Variants in MYH15 observed in about 807,000 individuals in gnomAD.
MYH15 encodes myosin heavy chain 15.
In MYH15, 227 loss-of-function variants were observed where a neutral mutation model predicts 240.5. That is an observed-to-expected ratio of 0.94 (90% CI 0.85 to 1.05). The LOEUF is 1.05. MYH15 is among the 50% of genes least tolerant of loss of function. The pLI, the probability that MYH15 is intolerant of heterozygous loss-of-function variation, is 0.00. For missense variants in MYH15, 2,217 were observed against 2,247.5 expected, an observed-to-expected ratio of 0.99 and a Z score of 0.27; for synonymous variants, 785 against 796.7, an observed-to-expected ratio of 0.99 and a Z score of 0.25.
At chr3:108,547,258 T>C in the MYH15 span, among the ~76,000 whole-genome samples, 2 of 152,104 alleles carry the variant, frequency 1.3e-5, no homozygotes, top group African/African-American at 2.4e-5. Flanking sequence ...TGCCTAGGCT[T>C]CCAAAATTAT....
intron 22 of MYH15, among the ~76,000 whole-genome samples, 189 bp downstream of exon 22, chr3:108,444,451 C>G (rs1286273739): frequency 6.6e-6 from 1 of 152,176 alleles, no homozygotes; most frequent in Non-Finnish European, 1.5e-5. Context: ...TAAAAGACAT[C>G]TTGCCAATTA....
intron 26 of MYH15, 88 bp downstream of exon 26, chr3:108,430,744 T>A: frequency 9.7e-7 from 1 of 1,029,686 alleles, no homozygotes; most frequent in South Asian, 1.4e-5. Context: ...AGGGTATGAA[T>A]ACCTTGGCAG....
At chr3:108,395,635 C>CTTTTT (rs10708448) in intron 35 of MYH15, among the ~76,000 whole-genome samples, 1 of 135,518 alleles carries the variant, frequency 7.4e-6, no homozygotes, top group Admixed American at 7.3e-5. Context: ...TTTTTTCTTT[C>CTTTTT]TTTTTTTTTT....
At chr3:108,463,059 G>C (rs2083084327) in intron 16 of MYH15, 52 bp downstream of exon 16, 2 of 1,556,144 alleles carry the variant, frequency 1.3e-6, no homozygotes, top group Admixed American at 2.1e-5. Flanking sequence ...AGCTGAGGCA[G>C]CCATGGGTTC....
At chr3:108,501,615 G>A in intron 3 of MYH15, 97 bp downstream of exon 3, 1 of 1,476,226 alleles carries the variant, frequency 6.8e-7, no homozygotes, top group Admixed American at 1.8e-5. Flanking sequence ...CCCTGTGCGA[G>A]CATGCTTAAA....
chr3:108,495,097 C>A (rs1038643797), intron 7 of MYH15, among the ~76,000 whole-genome samples: 1 of 152,150 alleles, frequency 6.6e-6, no homozygotes, highest in Non-Finnish European at 1.5e-5. Flanking sequence ...CTAGCCAAAT[C>A]GGCATGAGGT....
At chr3:108,410,517 G>T in intron 31 of MYH15, 66 bp downstream of exon 31, 1 of 1,151,416 alleles carries the variant, frequency 8.7e-7, no homozygotes, top group Non-Finnish European at 1.2e-6. Flanking sequence ...AGACAGCCTT[G>T]CCTGTAGCCA....
At chr3:108,509,388 T>C (rs2083504224) in intron 1 of MYH15, among the ~76,000 whole-genome samples, 2 of 152,310 alleles carry the variant, frequency 1.3e-5, no homozygotes, top group South Asian at 4.1e-4. Flanking sequence ...TCTAACTACC[T>C]GCGATAAGCC....
intron 26 of MYH15, among the ~76,000 whole-genome samples, chr3:108,429,567 G>A (rs1431373341): frequency 1.3e-5 from 2 of 152,108 alleles, no homozygotes; most frequent in African/African-American, 4.8e-5. Flanking sequence ...TTTAGTATAG[G>A]CCAAACAGGT....
chr3:108,499,511 T>C, intron 4 of MYH15, 29 bp from the exon 5 acceptor site: 1 of 1,603,608 alleles, frequency 6.2e-7, no homozygotes, highest in Non-Finnish European at 8.5e-7. Flanking sequence ...TGCCAGAATA[T>C]TCTTATATTC....
chr3:108,536,716 C>T, the MYH15 span, among the ~76,000 whole-genome samples: 1 of 152,176 alleles, frequency 6.6e-6, no homozygotes, highest in South Asian at 2.1e-4. Flanking sequence ...CAAATAGAAT[C>T]TAAGCCCCCA....
intron 27 of MYH15, among the ~76,000 whole-genome samples, chr3:108,422,266 G>A (rs2082689733): frequency 6.7e-6 from 1 of 148,978 alleles, no homozygotes; most frequent in Non-Finnish European, 1.5e-5. Flanking sequence ...TCACCAGGCT[G>A]GAGTGCAATG....
intron 10 of MYH15, 92 bp from the exon 11 acceptor site, chr3:108,485,321 G>T (rs963223865): frequency 2.1e-6 from 3 of 1,415,712 alleles, no homozygotes; most frequent in East Asian, 4.6e-5. Context: ...CGGGCTGTGG[G>T]CTGAGGGGAA....
At chr3:108,497,156 G>GT (rs2083397687) in intron 6 of MYH15, among the ~76,000 whole-genome samples, 1 of 30,500 alleles carries the variant, frequency 3.3e-5, no homozygotes, top group African/African-American at 1.5e-4. Context: ...GCGAGACTCC[G>GT]TAAAAAAAAA....
intron 2 of MYH15, 52 bp downstream of exon 2, chr3:108,505,671 T>C: frequency 3.1e-6 from 3 of 983,264 alleles, no homozygotes; most frequent in Admixed American, 2.4e-5. Context: ...ATATATTTAG[T>C]TATTTGATAG....
At chr3:108,456,145 G>C (rs1221571197) in intron 19 of MYH15, among the ~76,000 whole-genome samples, 3 of 152,172 alleles carry the variant, frequency 2.0e-5, no homozygotes, top group Non-Finnish European at 4.4e-5. Context: ...AGGGAGGAAA[G>C]CATAAGTATC....
chr3:108,479,924 A>C (rs1195890059), intron 11 of MYH15, among the ~76,000 whole-genome samples: 2 of 152,228 alleles, frequency 1.3e-5, no homozygotes, highest in Non-Finnish European at 2.9e-5. Flanking sequence ...AGGTTATAAT[A>C]CAATTTTTGA....
chr3:108,514,320 T>C (rs2083544089), upstream of MYH15, among the ~76,000 whole-genome samples: 2 of 151,688 alleles, frequency 1.3e-5, no homozygotes, highest in Admixed American at 1.3e-4. Flanking sequence ...CTTTTAGAAA[T>C]TCAGTCACAA....
intron 2 of MYH15, among the ~76,000 whole-genome samples, chr3:108,503,387 T>A (rs1033001155): frequency 6.6e-6 from 1 of 152,150 alleles, no homozygotes; most frequent in Admixed American, 6.5e-5. Context: ...TGAGAGAAAA[T>A]ATGTACAAAT....
Sources: allele counts gnomAD v4.1 joint callset (sites outside exome capture counted in the v4.1 genomes callset), GRCh38; gene constraint gnomAD v4.1.1; transcripts MANE v1.5; gene names NCBI Gene and HGNC (gene_info 2026-07-23, HGNC 2026-07-21).